Variants in COL28A1 observed in about 807,000 individuals in gnomAD.
COL28A1 encodes the protein collagen alpha-1(XXVIII) chain.
In COL28A1, 161 loss-of-function variants were observed where a neutral mutation model predicts 150.2. The observed-to-expected ratio is 1.07, with a 90% CI of 0.94 to 1.22. The LOEUF is 1.22. Among genes scored for constraint, COL28A1 ranks in the 50% most tolerant of loss-of-function variants. The pLI is 0.00. For synonymous variants in COL28A1, 552 were observed against 469.7 expected (o/e 1.18, Z -2.26); for missense variants, 1,617 against 1,388.3 (o/e 1.16, Z -2.62).
chr7:7,369,336 C>T (rs1201841774), intron 33 of COL28A1, among the ~76,000 whole-genome samples: 1 of 152,206 alleles, frequency 6.6e-6, no homozygotes, highest in East Asian at 1.9e-4. Context: ...ACTATCTGTT[C>T]TTGTGAGTAA....
intron 18 of COL28A1, among the ~76,000 whole-genome samples, chr7:7,450,170 G>T (rs1786578129): frequency 6.6e-6 from 1 of 152,104 alleles, no homozygotes. Context: ...AATCAGTGTG[G>T]TAAAGATGGA....
chr7:7,479,601 T>C (rs1430298755), intron 13 of COL28A1, among the ~76,000 whole-genome samples: 1 of 152,222 alleles, frequency 6.6e-6, no homozygotes, highest in Non-Finnish European at 1.5e-5. Flanking sequence ...CAGGAACTGG[T>C]TGAACCCACA....
rs1781351425 is a variant in COL28A1, at chr7:7,373,548, TA to T, written c.2360-3del. The stretch of plus-strand genomic sequence containing the variant: ...TCTCTTTGCATTTGGGCCCACAACC[TA>T]AAAGATGAATGTTGAGAGAGAAAAA... On this transcript the variant is annotated splice_polypyrimidine_tract_variant and splice_region_variant and intron_variant, in intron 31 of 34. Transcript: ENST00000399429. This position sits in a 1 kb window ranked among gnomAD's most constrained non-coding sequence, Gnocchi z 4.1. 8.1e-6 allele frequency: 13 copies of T among 1,604,304 alleles called. No individual in the cohort carries two copies. Among genetic ancestry groups the T allele is most frequent in the Non-Finnish European group, 1.0e-5 (12 of 1,175,122 alleles).
At chr7:7,519,668 T>C (rs567684598) in intron 6 of COL28A1, among the ~76,000 whole-genome samples, 4 of 152,316 alleles carry the variant, frequency 2.6e-5, no homozygotes, top group South Asian at 2.1e-4. Context: ...GGTTTTTCTA[T>C]GATTATTGTC....
chr7:7,349,550 T>G, the COL28A1 span, among the ~76,000 whole-genome samples: 1 of 152,144 alleles, frequency 6.6e-6, no homozygotes, highest in South Asian at 2.1e-4. Flanking sequence ...TCTAGCTGCC[T>G]TAGTCTTCCT....
chr7:7,366,786 T>C (rs576368459), intron 33 of COL28A1, among the ~76,000 whole-genome samples: 12 of 152,332 alleles, frequency 7.9e-5, no homozygotes, highest in Non-Finnish European at 1.3e-4. Flanking sequence ...TCTGAGATCA[T>C]TGTTTACTAG....
At chr7:7,439,329 T>C (rs1371004019) in intron 21 of COL28A1, among the ~76,000 whole-genome samples, 1 of 151,720 alleles carries the variant, frequency 6.6e-6, no homozygotes. Context: ...TGGAAGGCAA[T>C]GGCACAGGAC....
At chr7:7,507,250 G>C (rs146297757) in intron 9 of COL28A1, 89 bp from the exon 10 acceptor site, 12 of 698,860 alleles carry the variant, frequency 1.7e-5, no homozygotes, top group South Asian at 1.2e-4. Context: ...ATGTGTTCTC[G>C]GTAATTGCCA....
At chr7:7,413,745 T>C (rs1183133899) in intron 27 of COL28A1, among the ~76,000 whole-genome samples, 1 of 152,192 alleles carries the variant, frequency 6.6e-6, no homozygotes, top group Non-Finnish European at 1.5e-5. Context: ...AACCCTCTAC[T>C]ATGTTTGAAC....
At chr7:7,452,637 T>C (rs1786798754) in intron 17 of COL28A1, among the ~76,000 whole-genome samples, 1 of 152,352 alleles carries the variant, frequency 6.6e-6, no homozygotes, top group South Asian at 2.1e-4. Flanking sequence ...ATATTCAAAA[T>C]TGATTTTAAG....
intron 15 of COL28A1, among the ~76,000 whole-genome samples, chr7:7,464,939 T>C (rs1787942352): frequency 6.6e-6 from 1 of 151,990 alleles, no homozygotes; most frequent in African/African-American, 2.4e-5. Flanking sequence ...TAAGTTCAAT[T>C]AGAAACGAAA....
the COL28A1 span, among the ~76,000 whole-genome samples, chr7:7,543,456 C>A: frequency 6.6e-6 from 1 of 152,112 alleles, no homozygotes; most frequent in African/African-American, 2.4e-5. Flanking sequence ...ATTGTTTTCT[C>A]CATCACTTTC....
At chr7:7,504,197 A>G (rs536535330) in intron 11 of COL28A1, among the ~76,000 whole-genome samples, 3 of 152,304 alleles carry the variant, frequency 2.0e-5, no homozygotes, top group South Asian at 2.1e-4. Flanking sequence ...TGATAACACT[A>G]TTAGACATAA....
At chr7:7,338,838 G>T in the COL28A1 span, among the ~76,000 whole-genome samples, 10 of 152,194 alleles carry the variant, frequency 6.6e-5, no homozygotes, top group African/African-American at 2.2e-4. Flanking sequence ...TGGCCAGCAG[G>T]CTGTGACAGG....
chr7:7,378,673 T>C (rs1781699540), intron 30 of COL28A1, among the ~76,000 whole-genome samples: 1 of 152,134 alleles, frequency 6.6e-6, no homozygotes, highest in South Asian at 2.1e-4. Context: ...CTGAACTTGG[T>C]ATCAGACAGG....
At chr7:7,433,233 C>A (rs544152716) in intron 23 of COL28A1, among the ~76,000 whole-genome samples, 1 of 152,196 alleles carries the variant, frequency 6.6e-6, no homozygotes, top group South Asian at 2.1e-4. Flanking sequence ...GTCCTTTAGA[C>A]AACAGAGTTT....
At chr7:7,345,528 C>A in the COL28A1 span, among the ~76,000 whole-genome samples, 98,868 of 151,838 alleles carry the variant, frequency 0.65, 34,420 homozygotes, top group East Asian at 0.87. Context: ...TTTATAGTAC[C>A]TATCTACTGG....
intron 27 of COL28A1, among the ~76,000 whole-genome samples, chr7:7,405,043 C>G (rs1783418843): frequency 6.6e-6 from 1 of 152,026 alleles, no homozygotes; most frequent in Non-Finnish European, 1.5e-5. Flanking sequence ...GCTACCATGC[C>G]CAGCTAATTT....
chr7:7,512,128 A>G (rs1781175283), intron 8 of COL28A1, among the ~76,000 whole-genome samples: 1 of 152,224 alleles, frequency 6.6e-6, no homozygotes, highest in African/African-American at 2.4e-5. Context: ...AAAGACAAAT[A>G]TGGCATGATC....
Sources: allele counts gnomAD v4.1 joint callset (sites outside exome capture counted in the v4.1 genomes callset), GRCh38; gene constraint gnomAD v4.1.1; non-coding constraint Gnocchi (gnomAD v3.1); transcripts MANE v1.5; gene names NCBI Gene and HGNC (gene_info 2026-07-23, HGNC 2026-07-21).